Variants in HPSE2 observed in about 807,000 individuals in gnomAD.
HPSE2 encodes the protein inactive heparanase-2.
HPSE2 carries 38 observed loss-of-function variants against 60.5 expected under a neutral mutation model. That is an observed-to-expected ratio of 0.63 (90% CI 0.48 to 0.82). The LOEUF is 0.82. Ranked by LOEUF, HPSE2 falls within the 40% of genes least tolerant of loss-of-function variation. The pLI, the probability that HPSE2 is intolerant of heterozygous loss-of-function variation, is 0.00. For synonymous variants in HPSE2, 295 were observed against 293.2 expected (o/e 1.01, Z -0.06); for missense variants, 713 against 740.4 (o/e 0.96, Z 0.43).
At chr10:98,489,397 A>G (rs1941558960) in intron 10 of HPSE2, among the ~76,000 whole-genome samples, 1 of 152,248 alleles carries the variant, frequency 6.6e-6, no homozygotes, top group African/African-American at 2.4e-5. Flanking sequence ...CTTCAGATCA[A>G]AAAGAGGATA....
At chr10:99,147,814 T>C (rs1846110612) in intron 2 of HPSE2, among the ~76,000 whole-genome samples, 1 of 152,170 alleles carries the variant, frequency 6.6e-6, no homozygotes, top group South Asian at 2.1e-4. Context: ...CATGGTAATA[T>C]ATCTGGAGGA....
At chr10:99,281,517 C>A in the HPSE2 span, among the ~76,000 whole-genome samples, 2 of 151,894 alleles carry the variant, frequency 1.3e-5, no homozygotes, top group African/African-American at 2.4e-5. Context: ...CTAAAATTCT[C>A]CATTCTTGAT....
chr10:98,539,357 A>T (rs897550843), intron 9 of HPSE2, among the ~76,000 whole-genome samples: 1 of 152,158 alleles, frequency 6.6e-6, no homozygotes, highest in African/African-American at 2.4e-5. Flanking sequence ...CCCCGTATCT[A>T]CTAAAAATAC....
intron 3 of HPSE2, among the ~76,000 whole-genome samples, chr10:99,018,453 C>T (rs954278270): frequency 1.1e-4 from 16 of 152,142 alleles, no homozygotes; most frequent in Non-Finnish European, 1.8e-4. Context: ...TCCCTTAGAG[C>T]TGTTGGACAA....
At chr10:99,134,925 T>C (rs544510297) in intron 3 of HPSE2, among the ~76,000 whole-genome samples, 3 of 152,178 alleles carry the variant, frequency 2.0e-5, no homozygotes, top group African/African-American at 7.2e-5. Context: ...GACTGGCAAA[T>C]TGGATAAAGA....
At chr10:99,100,787 A>T (rs952472819) in intron 3 of HPSE2, among the ~76,000 whole-genome samples, 1 of 152,218 alleles carries the variant, frequency 6.6e-6, no homozygotes, top group Non-Finnish European at 1.5e-5. Flanking sequence ...GACTAACAGC[A>T]GATCTCTCGT....
rs371770905 is a variant in HPSE2, at chr10:99,039,519, G to A, written c.610+104719C>T. ...TAGGATATTAAATATATAAATATAT[G>A]TGTGTATATTATATATTATATATAA... On this transcript the variant is annotated intron_variant, in intron 3 of 11. Coordinates refer to ENST00000370552, the MANE Select transcript of HPSE2 (RefSeq NM_021828.5). Among the ~76,000 whole-genome samples, 76 of 149,872 alleles carry A rather than the reference G, an allele frequency of 5.1e-4. 2 individuals are homozygous for A. In the South Asian group the frequency reaches 0.016, roughly 31 times the overall value.
At chr10:98,673,239 C>A (rs1947551698) in intron 6 of HPSE2, among the ~76,000 whole-genome samples, 1 of 152,144 alleles carries the variant, frequency 6.6e-6, no homozygotes, top group South Asian at 2.1e-4. Context: ...TCAAAGGGAT[C>A]AAATGACACT....
At chr10:99,115,452 C>G (rs1378979118) in intron 3 of HPSE2, among the ~76,000 whole-genome samples, 3 of 151,862 alleles carry the variant, frequency 2.0e-5, no homozygotes, top group Non-Finnish European at 4.4e-5. Flanking sequence ...CCACGCTTGG[C>G]CAATTTTTTT....
At chr10:99,175,467 A>G (rs1455886810) in intron 2 of HPSE2, among the ~76,000 whole-genome samples, 1 of 151,762 alleles carries the variant, frequency 6.6e-6, no homozygotes, top group African/African-American at 2.4e-5. Context: ...AGGCTTGAGT[A>G]GGTGGTTTTC....
At chr10:99,124,805 C>T (rs915105947) in intron 3 of HPSE2, among the ~76,000 whole-genome samples, 4 of 152,234 alleles carry the variant, frequency 2.6e-5, no homozygotes, top group African/African-American at 9.6e-5. Flanking sequence ...TGGGCAGCTT[C>T]AGCTTTGTCT....
At chr10:98,774,139 CAT>C (rs1303471498) in intron 3 of HPSE2, among the ~76,000 whole-genome samples, 1 of 152,114 alleles carries the variant, frequency 6.6e-6, no homozygotes, top group African/African-American at 2.4e-5. Flanking sequence ...AACATATTTT[CAT>C]ATGTCTGTAA....
intron 2 of HPSE2, among the ~76,000 whole-genome samples, chr10:99,170,602 T>C (rs941957217): frequency 5.9e-5 from 9 of 152,218 alleles, no homozygotes; most frequent in African/African-American, 2.2e-4. Flanking sequence ...TCATATCCAA[T>C]TGATGTGAAG....
chr10:98,773,644 G>A (rs1486286950), intron 3 of HPSE2, among the ~76,000 whole-genome samples: 1 of 152,198 alleles, frequency 6.6e-6, no homozygotes, highest in Non-Finnish European at 1.5e-5. Context: ...TAATCAGAAT[G>A]GGATGCACAA....
intron 5 of HPSE2, among the ~76,000 whole-genome samples, chr10:98,716,442 A>AAAATAAAT (rs35131766): frequency 0.62 from 91,485 of 147,428 alleles, 31,871 homozygotes; most frequent in South Asian, 0.89. Flanking sequence ...ATAATAATAA[A>AAAATAAAT]AAATAAATAA....
At chr10:98,554,529 C>T (rs901242204) in intron 9 of HPSE2, among the ~76,000 whole-genome samples, 2 of 152,098 alleles carry the variant, frequency 1.3e-5, no homozygotes, top group African/African-American at 4.8e-5. Flanking sequence ...TCTTTGTGGT[C>T]GGAGACTCCA....
At chr10:99,102,767 C>G (rs1844063069) in intron 3 of HPSE2, among the ~76,000 whole-genome samples, 1 of 152,156 alleles carries the variant, frequency 6.6e-6, no homozygotes, top group African/African-American at 2.4e-5. Context: ...AGCAGCACAT[C>G]AAAAAGCTTA....
At chr10:98,749,743 A>C (rs1287265110) in intron 3 of HPSE2, among the ~76,000 whole-genome samples, 1 of 150,736 alleles carries the variant, frequency 6.6e-6, no homozygotes, top group African/African-American at 2.4e-5. Context: ...CAGTAGGCTG[A>C]TGTAAGTGTT....
At chr10:98,503,950 C>G (rs896506560) in intron 9 of HPSE2, among the ~76,000 whole-genome samples, 9 of 152,142 alleles carry the variant, frequency 5.9e-5, no homozygotes, top group Non-Finnish European at 1.3e-4. Context: ...TCTTACAAAT[C>G]ACCACTAAAG....
Sources: allele counts gnomAD v4.1 joint callset (sites outside exome capture counted in the v4.1 genomes callset), GRCh38; gene constraint gnomAD v4.1.1; transcripts MANE v1.5; gene names NCBI Gene and HGNC (gene_info 2026-07-23, HGNC 2026-07-21).